The following OSBPL8 variants were observed in gnomAD, a reference collection of about 807,000 sequenced individuals.
The protein encoded by OSBPL8 is oxysterol-binding protein-related protein 8.
In OSBPL8, 59 loss-of-function variants were observed where a neutral mutation model predicts 125.5. The observed-to-expected ratio is 0.47, with a 90% CI of 0.38 to 0.58. The LOEUF (loss-of-function observed/expected upper bound fraction) is 0.58. Among genes scored for constraint, OSBPL8 ranks in the 20% least tolerant of loss-of-function variants. The pLI is 0.00. For missense variants in OSBPL8, 758 were observed against 1,047.8 expected, an observed-to-expected ratio of 0.72 and a Z score of 3.82; for synonymous variants, 330 against 338.9, an observed-to-expected ratio of 0.97 and a Z score of 0.29.
chr12:76,436,949 T>C lies in OSBPL8; in HGVS notation c.217+13902A>G, dbSNP rs949800063. Reference sequence around the variant, plus strand: ...TACTTGTTTTTAAACTTTACATAAATGTCTTAACTTTAATTTGTTTCGTAA... The same window carrying C: ...TACTTGTTTTTAAACTTTACATAAACGTCTTAACTTTAATTTGTTTCGTAA... On this transcript the variant is annotated intron_variant, in intron 4 of 23. Transcript: ENST00000261183. 5.9e-5 allele frequency among the ~76,000 whole-genome samples: 9 copies of C among 152,320 alleles called. No homozygotes were observed. In the South Asian group the frequency reaches 1.9e-3, roughly 32 times the overall value.
intron 1 of OSBPL8, among the ~76,000 whole-genome samples, chr12:76,529,233 C>G (rs1473077132): frequency 6.6e-6 from 1 of 152,048 alleles, no homozygotes; most frequent in Non-Finnish European, 1.5e-5. Flanking sequence ...TATTAAGGTG[C>G]ACACTATAAG....
At chr12:76,544,766 A>G (rs1371859516) in intron 1 of OSBPL8, among the ~76,000 whole-genome samples, 1 of 152,132 alleles carries the variant, frequency 6.6e-6, no homozygotes, top group Non-Finnish European at 1.5e-5. Context: ...ATAGAGTGAA[A>G]TAGGCGAAGG....
chr12:76,397,557 T>C, intron 8 of OSBPL8, 137 bp downstream of exon 8: 1 of 871,248 alleles, frequency 1.1e-6, no homozygotes, highest in Non-Finnish European at 1.7e-6. Flanking sequence ...AGAGGCAGAA[T>C]GGGGGAATAA....
At chr12:76,482,313 G>A (rs926925148) in intron 2 of OSBPL8, among the ~76,000 whole-genome samples, 4 of 152,038 alleles carry the variant, frequency 2.6e-5, no homozygotes, top group South Asian at 4.1e-4. Context: ...ATAATACTTC[G>A]GAAATACTTC....
At chr12:76,387,964 T>C (rs1034939015) in intron 12 of OSBPL8, among the ~76,000 whole-genome samples, 2 of 152,210 alleles carry the variant, frequency 1.3e-5, no homozygotes, top group African/African-American at 4.8e-5. Flanking sequence ...AGCTTCCTTT[T>C]AAGTTTTCTT....
chr12:76,355,790 C>A lies in OSBPL8; in HGVS notation c.*99G>T. 5 of 1,344,494 alleles carry A rather than the reference C, an allele frequency of 3.7e-6. No individual in the cohort carries two copies. The highest frequency in any genetic ancestry group is 5.0e-6 in the Non-Finnish European group (5 of 994,338). The allele number at this position is 1,344,494 out of a possible 1,614,324, so 83.3% of individuals were successfully genotyped here. On this transcript the variant is annotated 3_prime_UTR_variant, in exon 24 of 24. Transcript: ENST00000261183. ...TTTATCTCCTAGGTTTTTTTGTTTT[C>A]GGAATATTGTGATTTTTAATAAAGA...
intron 1 of OSBPL8, among the ~76,000 whole-genome samples, chr12:76,532,610 C>T (rs1224126117): frequency 6.6e-6 from 1 of 151,944 alleles, no homozygotes; most frequent in African/African-American, 2.4e-5. Context: ...GACCCATTTC[C>T]CCTTCCTCTG....
intron 3 of OSBPL8, among the ~76,000 whole-genome samples, chr12:76,457,902 A>T (rs1229917717): frequency 6.6e-6 from 1 of 152,156 alleles, no homozygotes; most frequent in Non-Finnish European, 1.5e-5. Flanking sequence ...ATATGAGGTA[A>T]TTAAAGAAAC....
At chr12:76,446,259 G>C (rs939255938) in intron 4 of OSBPL8, among the ~76,000 whole-genome samples, 4 of 152,144 alleles carry the variant, frequency 2.6e-5, no homozygotes, top group African/African-American at 9.7e-5. Flanking sequence ...AGATACATCA[G>C]AGGTTTTCTG....
chr12:76,366,046 A>G (rs893246139), intron 21 of OSBPL8, among the ~76,000 whole-genome samples: 2 of 152,034 alleles, frequency 1.3e-5, no homozygotes, highest in African/African-American at 2.4e-5. Flanking sequence ...TTGTAACTTT[A>G]TTTTCTTGTG....
At chr12:76,499,340 A>ATCTATCTATCTATCTG (rs1301514310) in intron 1 of OSBPL8, among the ~76,000 whole-genome samples, 25 of 118,134 alleles carry the variant, frequency 2.1e-4, no homozygotes, top group African/African-American at 7.7e-4. Context: ...CTATCTATCT[A>ATCTATCTATCTATCTG]TCTATCTATC....
chr12:76,514,122 A>G (rs1881290834), intron 1 of OSBPL8, among the ~76,000 whole-genome samples: 1 of 151,952 alleles, frequency 6.6e-6, no homozygotes, highest in African/African-American at 2.4e-5. Flanking sequence ...TGGTTAACAA[A>G]TACCCTCAAC....
intron 4 of OSBPL8, among the ~76,000 whole-genome samples, chr12:76,440,710 A>C (rs1872085854): frequency 6.6e-6 from 1 of 152,174 alleles, no homozygotes; most frequent in Admixed American, 6.6e-5. Context: ...TATCCAGTTC[A>C]TTAACTAAGT....
intron 1 of OSBPL8, among the ~76,000 whole-genome samples, chr12:76,518,524 T>A (rs1244675357): frequency 6.6e-6 from 1 of 152,190 alleles, no homozygotes; most frequent in Non-Finnish European, 1.5e-5. Context: ...GGCAGTGCCC[T>A]AGAGGGGACT....
intron 1 of OSBPL8, among the ~76,000 whole-genome samples, chr12:76,503,237 T>C (rs1393259787): frequency 1.3e-5 from 2 of 152,222 alleles, no homozygotes; most frequent in African/African-American, 2.4e-5. Context: ...GTCTGGAGGC[T>C]AGATGTCCAA....
intron 2 of OSBPL8, among the ~76,000 whole-genome samples, chr12:76,463,122 G>C (rs1565917247): frequency 1.3e-5 from 2 of 152,244 alleles, no homozygotes; most frequent in South Asian, 4.1e-4. Context: ...GAGAGACAAG[G>C]GTATAATCAC....
chr12:76,513,934 A>G (rs1383469067), intron 1 of OSBPL8, among the ~76,000 whole-genome samples: 1 of 151,628 alleles, frequency 6.6e-6, no homozygotes, highest in Admixed American at 6.6e-5. Context: ...TAGTATTAAT[A>G]TGTGTGGATT....
intron 8 of OSBPL8, among the ~76,000 whole-genome samples, chr12:76,397,223 A>T (rs1953846106): frequency 1.3e-5 from 2 of 151,660 alleles, no homozygotes; most frequent in Non-Finnish European, 2.9e-5. Flanking sequence ...TAAGAGTAAG[A>T]AAGATTGCTT....
chr12:76,491,466 G>C (rs1878706511), intron 1 of OSBPL8, among the ~76,000 whole-genome samples: 1 of 152,152 alleles, frequency 6.6e-6, no homozygotes, highest in African/African-American at 2.4e-5. Flanking sequence ...ATAAAGGCTG[G>C]TGAAAACATT....
Sources: allele counts gnomAD v4.1 joint callset (sites outside exome capture counted in the v4.1 genomes callset), GRCh38; gene constraint gnomAD v4.1.1; transcripts MANE v1.5; gene names NCBI Gene and HGNC (gene_info 2026-07-23, HGNC 2026-07-21).